MKLN1: variants seen among roughly 807,000 people sequenced by gnomAD.
MKLN1 encodes muskelin 1, also known as muskelin.
Under a neutral mutation model 99.0 loss-of-function variants are expected in MKLN1, and 18 were observed. The ratio of observed to expected loss-of-function variants is 0.18; its 90% confidence interval spans 0.13 to 0.27. MKLN1 has a LOEUF of 0.27. Ranked by LOEUF, MKLN1 falls within the 10% of genes least tolerant of loss-of-function variation. The pLI is 1.00. For synonymous variants in MKLN1, 288 were observed against 293.2 expected, an observed-to-expected ratio of 0.98 and a Z score of 0.18; for missense variants, 621 against 875.9, an observed-to-expected ratio of 0.71 and a Z score of 3.67.
chr7:131,352,107 T>G (rs1255698386), intron 1 of MKLN1, among the ~76,000 whole-genome samples: 2 of 152,192 alleles, frequency 1.3e-5, no homozygotes, highest in Non-Finnish European at 2.9e-5. Flanking sequence ...TCTAATTAAT[T>G]TTTTCTTTTT....
intron 4 of MKLN1, among the ~76,000 whole-genome samples, chr7:131,392,833 G>C (rs13224210): frequency 0.18 from 27,847 of 151,896 alleles, 3,088 homozygotes; most frequent in Admixed American, 0.32. Flanking sequence ...TTGAACTCCC[G>C]ACCTGAGGCG....
chr7:131,399,975 G>T (rs1171608770), intron 6 of MKLN1, among the ~76,000 whole-genome samples: 1 of 152,036 alleles, frequency 6.6e-6, no homozygotes, highest in African/African-American at 2.4e-5. Flanking sequence ...GCTTTGGAGG[G>T]TAACACTCAT....
In MKLN1 at chr7:131,443,654, G is replaced by A. The variant is rs149634474; in HGVS notation, c.1347G>A (p.Gly449=). ...KLLREDSCNA[G]PEDIQSRIGH... is the part of the protein sequence containing the mutation. Reference sequence around the variant, plus strand: ...TTCGAGAGGACTCCTGTAATGCTGGGCCTGAGGACATCCAGTCTCGAATAG... The same window carrying A: ...TTCGAGAGGACTCCTGTAATGCTGGACCTGAGGACATCCAGTCTCGAATAG... The change falls in exon 11 of 18, where the codon GGG becomes GGA. Residue 449 remains glycine, a synonymous_variant. Coordinates refer to ENST00000352689, the MANE Select transcript of MKLN1 (RefSeq NM_013255.5). 2.3e-5 allele frequency: 37 copies of A among 1,614,134 alleles called. 1 individual carries two copies. In the East Asian group the frequency reaches 7.6e-4, roughly 33 times the overall value.
At chr7:131,452,876 T>C (rs1796225345) in intron 12 of MKLN1, among the ~76,000 whole-genome samples, 1 of 152,216 alleles carries the variant, frequency 6.6e-6, no homozygotes, top group South Asian at 2.1e-4. Flanking sequence ...ACCAATTAAA[T>C]GAGTAAAGCC....
intron 3 of MKLN1, among the ~76,000 whole-genome samples, chr7:131,317,879 A>G (rs1798700640): frequency 6.6e-6 from 1 of 152,150 alleles, no homozygotes; most frequent in East Asian, 1.9e-4. Context: ...AAAGGGATCA[A>G]TGCAACTAAC....
At chr7:131,237,760 A>G (rs1797345255) in intron 3 of MKLN1, among the ~76,000 whole-genome samples, 2 of 152,330 alleles carry the variant, frequency 1.3e-5, no homozygotes, top group South Asian at 4.1e-4. Context: ...AGTTCTGGTA[A>G]CTACAAGCTA....
intron 9 of MKLN1, among the ~76,000 whole-genome samples, chr7:131,432,742 G>A (rs554746993): frequency 3.9e-5 from 6 of 152,254 alleles, no homozygotes; most frequent in African/African-American, 1.2e-4. Context: ...CACCGCGCCT[G>A]GCCCTCAAGT....
intron 16 of MKLN1, chr7:131,471,855 G>C (rs1584777552): frequency 6.6e-6 from 1 of 152,178 alleles, no homozygotes; most frequent in African/African-American, 2.4e-5. Flanking sequence ...TCAGGCTCCA[G>C]GTTCATTGTA....
At chr7:131,188,025 TAAC>T (rs139968758) in intron 2 of MKLN1, among the ~76,000 whole-genome samples, 7,438 of 152,206 alleles carry the variant, frequency 0.049, 234 homozygotes, top group Non-Finnish European at 0.072. Context: ...ATCTGATAAA[TAAC>T]AACCACCTAA....
At chr7:131,158,338 G>T (rs534550647) in intron 2 of MKLN1, among the ~76,000 whole-genome samples, 7 of 152,170 alleles carry the variant, frequency 4.6e-5, no homozygotes, top group Non-Finnish European at 8.8e-5. Flanking sequence ...GGAGGCTGAG[G>T]CAGGAGAATC....
chr7:131,392,602 CTTTTTTT>C (rs772614936), intron 4 of MKLN1, among the ~76,000 whole-genome samples: 3 of 134,524 alleles, frequency 2.2e-5, no homozygotes, highest in Non-Finnish European at 3.2e-5. Context: ...CTCAGAACCT[CTTTTTTT>C]TTTTTTTTTT....
At chr7:131,388,829 A>T in intron 3 of MKLN1, 55 bp from the exon 4 acceptor site, 1 of 1,130,666 alleles carries the variant, frequency 8.8e-7, no homozygotes, top group Non-Finnish European at 1.3e-6. Flanking sequence ...TTCGTGTTCT[A>T]GTGCATTTAC....
chr7:131,279,081 C>G (rs1038960911), intron 3 of MKLN1, among the ~76,000 whole-genome samples: 1 of 152,230 alleles, frequency 6.6e-6, no homozygotes, highest in Non-Finnish European at 1.5e-5. Context: ...TGAGTGTTTA[C>G]TGTGTGCCAG....
chr7:131,218,569 C>T (rs1296089942), intron 3 of MKLN1, among the ~76,000 whole-genome samples: 1 of 152,154 alleles, frequency 6.6e-6, no homozygotes, highest in African/African-American at 2.4e-5. Flanking sequence ...GTTAGTTATG[C>T]TACATTTCCT....
intron 2 of MKLN1, among the ~76,000 whole-genome samples, chr7:131,191,934 G>A (rs2116385014): frequency 6.7e-6 from 1 of 149,018 alleles, no homozygotes. Context: ...TGCCCAGGGT[G>A]GTCTTGAACT....
At chr7:131,255,799 T>C (rs1247423283) in intron 3 of MKLN1, among the ~76,000 whole-genome samples, 1 of 152,252 alleles carries the variant, frequency 6.6e-6, no homozygotes, top group African/African-American at 2.4e-5. Context: ...CAGGCTGGTC[T>C]TGAACTCCTG....
At chr7:131,166,766 A>C (rs896459715) in intron 2 of MKLN1, among the ~76,000 whole-genome samples, 3 of 151,938 alleles carry the variant, frequency 2.0e-5, no homozygotes, top group African/African-American at 4.8e-5. Context: ...GCTCACTGCA[A>C]CCTCCGTCTC....
intron 15 of MKLN1, among the ~76,000 whole-genome samples, chr7:131,467,089 T>C (rs972607264): frequency 2.6e-5 from 4 of 152,166 alleles, no homozygotes; most frequent in African/African-American, 9.7e-5. Context: ...CAGTGGCTCA[T>C]GCTTATAATC....
chr7:131,136,655 G>A (rs1795653107), intron 1 of MKLN1, among the ~76,000 whole-genome samples: 1 of 152,206 alleles, frequency 6.6e-6, no homozygotes, highest in African/African-American at 2.4e-5. Context: ...GGGATGTCCA[G>A]GGCCCAGACT....
Sources: gnomAD v4.1 joint callset for allele counts (sites outside exome capture counted in the v4.1 genomes callset) on GRCh38, gnomAD v4.1.1 for gene constraint, MANE v1.5 for transcripts, NCBI Gene and HGNC (gene_info 2026-07-23, HGNC 2026-07-21) for gene names.